The following D2HGDH variants were observed in gnomAD, a reference collection of about 807,000 sequenced individuals.
D2HGDH encodes D-2-hydroxyglutarate dehydrogenase.
In D2HGDH, 31 loss-of-function variants were observed where a neutral mutation model predicts 46.9. That is an observed-to-expected ratio of 0.66 (90% CI 0.50 to 0.89). D2HGDH has a LOEUF of 0.89. Ranked by LOEUF, D2HGDH falls within the 40% of genes least tolerant of loss-of-function variation. The probability of loss-of-function intolerance (pLI) is 0.00; values close to 1 mark genes in which losing one functional copy is unlikely to be tolerated. For synonymous variants in D2HGDH, 364 were observed against 332.6 expected (o/e 1.09, Z -1.03); for missense variants, 698 against 720.8 (o/e 0.97, Z 0.36).
intron 2 of D2HGDH, 58 bp from the exon 3 acceptor site, chr2:241,740,975 A>G: frequency 1.4e-6 from 2 of 1,439,102 alleles, no homozygotes; most frequent in Non-Finnish European, 1.9e-6. Flanking sequence ...GCGAGTGACC[A>G]CTTGCCTCAT....
At chr2:241,749,856 C>T in intron 6 of D2HGDH, 4 of 457,628 alleles carry the variant, frequency 8.7e-6, no homozygotes, top group South Asian at 4.0e-5. Context: ...GCGTGCCCTG[C>T]CCCTCCTGAT....
chr2:241,743,557 G>A lies in D2HGDH; in HGVS notation c.491-65G>A. On this transcript the variant is annotated intron_variant, in intron 4 of 9. Coordinates refer to ENST00000321264, the MANE Select transcript of D2HGDH (RefSeq NM_152783.5). This position sits in a 1 kb window ranked among gnomAD's most constrained non-coding sequence, Gnocchi z 4.8. ...GGCTTGCCTGTGCAAGATGGGGGTT[G>A]GGACTCACCAGCCCGGGGGCCCACT... is the stretch of plus-strand genomic sequence containing the variant. 1 of 1,557,092 alleles carries A rather than the reference G, an allele frequency of 6.4e-7. No homozygotes were observed. Among genetic ancestry groups the A allele is most frequent in the Non-Finnish European group, 8.7e-7 (1 of 1,148,916 alleles).
intron 7 of D2HGDH, among the ~76,000 whole-genome samples, chr2:241,750,945 A>C (rs1697075545): frequency 6.6e-6 from 1 of 152,198 alleles, no homozygotes; most frequent in African/African-American, 2.4e-5. Context: ...TTTAGTACAG[A>C]CAGGGTTTTG....
intron 2 of D2HGDH, among the ~76,000 whole-genome samples, chr2:241,738,227 G>A (rs1288520744): frequency 6.6e-6 from 1 of 152,182 alleles, no homozygotes; most frequent in African/African-American, 2.4e-5. Context: ...GCACACCATG[G>A]CCCAGGGCCT....
At chr2:241,741,202 T>A (rs1276733942) in intron 3 of D2HGDH, 112 bp downstream of exon 3, 3 of 949,872 alleles carry the variant, frequency 3.2e-6, no homozygotes, top group African/African-American at 3.3e-5. Flanking sequence ...CGATGACATC[T>A]TGGTTTGTGT....
intron 9 of D2HGDH, among the ~76,000 whole-genome samples, chr2:241,765,272 C>A (rs1699181865): frequency 6.6e-6 from 1 of 151,882 alleles, no homozygotes; most frequent in South Asian, 2.1e-4. Context: ...AGATGGGAGC[C>A]CCGGGCTGAG....
rs111656254 is a variant in D2HGDH, at chr2:241,744,992, G to A, written c.853+115G>A. 7.2e-5 allele frequency: 99 copies of A among 1,384,080 alleles called. No homozygotes were observed. The African/African-American group carries it at 1.1e-3, about 15-fold the overall frequency. 85.7% of individuals were successfully genotyped at this position (1,384,080 alleles called of 1,614,324 possible). On this transcript the variant is annotated intron_variant, in intron 6 of 9. Transcript: ENST00000321264. ...GAGGGACCCCCCGCCAAGGACAGTC[G>A]GTTCCCGTGTCTCCTGACATCTCTG...
At chr2:241,753,254 C>T (rs987393393) in intron 8 of D2HGDH, among the ~76,000 whole-genome samples, 12 of 152,126 alleles carry the variant, frequency 7.9e-5, no homozygotes, top group African/African-American at 9.7e-5. Context: ...TGAGTTGACC[C>T]GGATATGCGG....
intron 2 of D2HGDH, 93 bp from the exon 3 acceptor site, chr2:241,740,940 C>CA (rs928437271): frequency 0.082 from 62,557 of 759,064 alleles, no homozygotes; most frequent in East Asian, 0.12. Flanking sequence ...AGTCCGTCTC[C>CA]AAAAAAAAAA....
chr2:241,749,336 C>G, intron 6 of D2HGDH: 1 of 1,288,512 alleles, frequency 7.8e-7, no homozygotes, highest in Non-Finnish European at 1.0e-6. Context: ...GAGACCTTCT[C>G]TCTGGAAAAT....
At position 241,742,427 on chromosome 2, in the gene D2HGDH, C is replaced by T. The variant is rs368141783; in HGVS notation, c.351-8C>T. 2.1e-5 allele frequency: 33 copies of T among 1,607,442 alleles called. No individual in the cohort carries two copies. The highest frequency in any genetic ancestry group is 5.1e-5 in the Admixed American group (3 of 59,042). On this transcript the variant is annotated splice_region_variant and splice_polypyrimidine_tract_variant and intron_variant, in intron 3 of 9. Transcript: ENST00000321264. The surrounding 1 kb of genome is among the most constrained non-coding windows in gnomAD (Gnocchi z 4.8). ...AGAGCCCCAACGTCCCTCCTGTCCT[C>T]ATCCCAGGCACTGCCACGAGAGGAA...
intron 8 of D2HGDH, among the ~76,000 whole-genome samples, chr2:241,753,301 G>A (rs1697595617): frequency 6.6e-6 from 1 of 152,186 alleles, no homozygotes; most frequent in South Asian, 2.1e-4. Flanking sequence ...CTGTGCTGTT[G>A]TCCGGTGTTG....
At chr2:241,752,061 C>T (rs552385536) in intron 8 of D2HGDH, among the ~76,000 whole-genome samples, 6 of 149,376 alleles carry the variant, frequency 4.0e-5, no homozygotes, top group East Asian at 3.9e-4. Flanking sequence ...TTACCTTCAC[C>T]GGGGCCTGGG....
intron 2 of D2HGDH, among the ~76,000 whole-genome samples, chr2:241,738,331 T>C (rs1397194332): frequency 6.6e-6 from 1 of 152,216 alleles, no homozygotes; most frequent in Non-Finnish European, 1.5e-5. Flanking sequence ...TCAGCACTGC[T>C]GTCTGGGTGG....
At chr2:241,750,066 G>A (rs993771702) in intron 6 of D2HGDH, 85 bp from the exon 7 acceptor site, 15 of 1,600,798 alleles carry the variant, frequency 9.4e-6, no homozygotes, top group Admixed American at 5.0e-5. Context: ...CACATGAGTC[G>A]GGCTGATGTT....
At chr2:241,759,259 C>T (rs929390406) in intron 9 of D2HGDH, among the ~76,000 whole-genome samples, 1 of 152,128 alleles carries the variant, frequency 6.6e-6, no homozygotes, top group African/African-American at 2.4e-5. Flanking sequence ...ACCTGCCACT[C>T]CCTGAGGGAG....
intron 6 of D2HGDH, among the ~76,000 whole-genome samples, chr2:241,745,415 C>T (rs770310180): frequency 3.3e-5 from 5 of 152,116 alleles, no homozygotes; most frequent in Non-Finnish European, 7.3e-5. Flanking sequence ...TTGAATCGGG[C>T]GGGTTTATCC....
intron 7 of D2HGDH, 96 bp from the exon 8 acceptor site, chr2:241,751,150 A>T: frequency 1.3e-6 from 2 of 1,538,952 alleles, no homozygotes; most frequent in Admixed American, 3.4e-5. Flanking sequence ...ACGAAAGATC[A>T]GTGGTTGCTA....
At chr2:241,737,114 G>A (rs1208189015) in intron 2 of D2HGDH, among the ~76,000 whole-genome samples, 2 of 152,274 alleles carry the variant, frequency 1.3e-5, no homozygotes, top group South Asian at 4.1e-4. Flanking sequence ...GACTACAGGC[G>A]CCCGCCACCA....
Sources: gnomAD v4.1 joint callset for allele counts (sites outside exome capture counted in the v4.1 genomes callset) on GRCh38, gnomAD v4.1.1 for gene constraint, Gnocchi (gnomAD v3.1) non-coding constraint, MANE v1.5 for transcripts, NCBI Gene and HGNC (gene_info 2026-07-23, HGNC 2026-07-21) for gene names.